IGSF11: variants seen among roughly 807,000 people sequenced by gnomAD.
The protein encoded by IGSF11 is CXADR like 1.
In IGSF11, 22 loss-of-function variants were observed where a neutral mutation model predicts 41.0. The observed-to-expected ratio is 0.54, with a 90% CI of 0.38 to 0.77. IGSF11 has a LOEUF of 0.77. IGSF11 is among the 30% of genes least tolerant of loss of function. The pLI is 0.00. For synonymous variants in IGSF11, 219 were observed against 201.3 expected (o/e 1.09, Z -0.74); for missense variants, 444 against 530.8 (o/e 0.84, Z 1.61).
At chr3:118,946,762 C>T (rs370345690) in intron 1 of IGSF11, among the ~76,000 whole-genome samples, 12 of 152,316 alleles carry the variant, frequency 7.9e-5, no homozygotes, top group East Asian at 3.9e-4. Context: ...GGGCACAACG[C>T]TCCCTACTCT....
chr3:118,904,882 G>T, intron 5 of IGSF11, 84 bp from the exon 6 acceptor site: 1 of 1,118,126 alleles, frequency 8.9e-7, no homozygotes, highest in Non-Finnish European at 1.3e-6. Flanking sequence ...AAGCACATAA[G>T]CTTACTAAAT....
chr3:118,947,252 G>A (rs1485584048), intron 1 of IGSF11: 1 of 152,140 alleles, frequency 6.6e-6, no homozygotes, highest in Non-Finnish European at 1.5e-5. Flanking sequence ...GATATGACTA[G>A]GTGCAAAATG....
chr3:119,055,223 G>A (rs1413809926), intron 1 of IGSF11, among the ~76,000 whole-genome samples: 2 of 152,062 alleles, frequency 1.3e-5, no homozygotes, highest in East Asian at 1.9e-4. Flanking sequence ...CACAAAGATG[G>A]GGAAAAAACA....
At chr3:119,071,117 A>G (rs1012992552) in intron 1 of IGSF11, among the ~76,000 whole-genome samples, 41 of 152,234 alleles carry the variant, frequency 2.7e-4, no homozygotes, top group African/African-American at 9.6e-4. Flanking sequence ...CATGTGAAAC[A>G]CCAGAATCAT....
chr3:119,013,650 CA>C (rs1938378657), intron 1 of IGSF11, among the ~76,000 whole-genome samples: 1 of 152,196 alleles, frequency 6.6e-6, no homozygotes, highest in African/African-American at 2.4e-5. Context: ...CAACAGGATA[CA>C]AAAGAATTTA....
At chr3:119,140,664 T>C (rs773010752) in intron 1 of IGSF11, among the ~76,000 whole-genome samples, 11 of 152,288 alleles carry the variant, frequency 7.2e-5, no homozygotes, top group Non-Finnish European at 1.6e-4. Flanking sequence ...CAGCAGAATA[T>C]ACATTCTTTT....
intron 1 of IGSF11, among the ~76,000 whole-genome samples, chr3:119,117,208 A>T (rs2077269764): frequency 6.6e-6 from 1 of 152,096 alleles, no homozygotes; most frequent in South Asian, 2.1e-4. Flanking sequence ...AAAAAAAAAA[A>T]AACTACTCAA....
At chr3:118,977,381 AG>A (rs1406551190) in intron 1 of IGSF11, among the ~76,000 whole-genome samples, 3 of 152,184 alleles carry the variant, frequency 2.0e-5, no homozygotes, top group Non-Finnish European at 4.4e-5. Flanking sequence ...GGAACCTCTG[AG>A]GCATGTTCTA....
intron 1 of IGSF11, among the ~76,000 whole-genome samples, chr3:119,128,634 A>G (rs2077436761): frequency 6.6e-6 from 1 of 152,202 alleles, no homozygotes; most frequent in Non-Finnish European, 1.5e-5. Context: ...AAACCAAAAA[A>G]GATCAAAAAA....
chr3:119,118,712 C>T (rs1427558659), intron 1 of IGSF11, among the ~76,000 whole-genome samples: 1 of 152,204 alleles, frequency 6.6e-6, no homozygotes, highest in Non-Finnish European at 1.5e-5. Flanking sequence ...CATTGTCAGG[C>T]TGCAAATTTT....
intron 1 of IGSF11, among the ~76,000 whole-genome samples, chr3:119,137,180 A>G (rs2077574510): frequency 6.6e-6 from 1 of 152,092 alleles, no homozygotes; most frequent in African/African-American, 2.4e-5. Context: ...TGCAATCCCT[A>G]TCAAAATACC....
chr3:118,923,719 T>C (rs549504973), intron 4 of IGSF11, among the ~76,000 whole-genome samples: 2 of 152,338 alleles, frequency 1.3e-5, no homozygotes, highest in Non-Finnish European at 2.9e-5. Flanking sequence ...AACTCCCTAG[T>C]CTTTTTCAAT....
chr3:118,978,802 A>C (rs1479026929), intron 1 of IGSF11, among the ~76,000 whole-genome samples: 2 of 152,200 alleles, frequency 1.3e-5, no homozygotes, highest in Admixed American at 1.3e-4. Flanking sequence ...TGAAAGCAAA[A>C]TCACAAAATT....
chr3:119,021,427 T>A (rs1172247884), intron 1 of IGSF11, among the ~76,000 whole-genome samples: 3 of 152,080 alleles, frequency 2.0e-5, no homozygotes, highest in African/African-American at 7.2e-5. Context: ...CATTCATATA[T>A]AGAATTCTGT....
In IGSF11 at chr3:119,044,598, G is replaced by T. The variant is rs866298002; in HGVS notation, c.49+60546C>A. ...TCATCACAAAAAGATCATCACCTAGGCACAGAGTCAACAGGTTATCTAATA... is the reference window on the plus strand; with the variant it reads ...TCATCACAAAAAGATCATCACCTAGTCACAGAGTCAACAGGTTATCTAATA... On this transcript the variant is annotated intron_variant, in intron 1 of 6. Coordinates refer to the IGSF11 transcript ENST00000354673. 2.0e-5 allele frequency among the ~76,000 whole-genome samples: 3 copies of T among 152,176 alleles called. No individual in the cohort carries two copies. The South Asian group carries it at 6.2e-4, about 32-fold the overall frequency.
upstream of IGSF11, among the ~76,000 whole-genome samples, chr3:119,036,234 C>CT (rs1172416427): frequency 2.6e-5 from 4 of 152,208 alleles, no homozygotes; most frequent in African/African-American, 9.7e-5. Context: ...TACCAGATCT[C>CT]TAATGGCAAG....
In IGSF11 at chr3:118,934,543, C is replaced by T. The variant is rs139818657; in HGVS notation, c.53-4268G>A. 2.2e-3 allele frequency among the ~76,000 whole-genome samples: 338 copies of T among 152,302 alleles called. 3 individuals are homozygous for T. The highest frequency in any genetic ancestry group is 7.8e-3 in the African/African-American group (324 of 41,558). The stretch of plus-strand genomic sequence containing the variant: ...CATGAATTCAATTCTCATATAAATG[C>T]TAATGGCTTTCAAATTTATATCTCT... On this transcript the variant is annotated intron_variant, in intron 1 of 6. Coordinates refer to ENST00000393775, the MANE Select transcript of IGSF11 (RefSeq NM_001015887.3).
chr3:118,983,305 A>T (rs1462956253), intron 1 of IGSF11: 1 of 152,208 alleles, frequency 6.6e-6, no homozygotes, highest in Non-Finnish European at 1.5e-5. Context: ...CTGAGGTTCA[A>T]ATAAGTTAAG....
chr3:119,095,742 A>C (rs1378043539), intron 1 of IGSF11, among the ~76,000 whole-genome samples: 1 of 152,208 alleles, frequency 6.6e-6, no homozygotes, highest in Non-Finnish European at 1.5e-5. Context: ...TACAGGAGAG[A>C]AACACTAAAC....
Sources: allele counts gnomAD v4.1 joint callset (sites outside exome capture counted in the v4.1 genomes callset), GRCh38; gene constraint gnomAD v4.1.1; transcripts MANE v1.5; gene names NCBI Gene and HGNC (gene_info 2026-07-23, HGNC 2026-07-21).